Variants in ADGRB3 observed in about 807,000 individuals in gnomAD.
ADGRB3 encodes the protein adhesion G protein-coupled receptor B3.
A neutral mutation model predicts 193.4 loss-of-function variants in ADGRB3; 37 were observed. The ratio of observed to expected loss-of-function variants is 0.19; its 90% CI spans 0.15 to 0.25. ADGRB3 has a LOEUF of 0.25. Ranked by LOEUF, ADGRB3 falls within the 10% of genes least tolerant of loss-of-function variation. ADGRB3 has a pLI of 1.00. For missense variants in ADGRB3, 1,637 were observed against 1,852.9 expected (o/e 0.88, Z 2.14); for synonymous variants, 690 against 644.2 (o/e 1.07, Z -1.08).
intron 17 of ADGRB3, among the ~76,000 whole-genome samples, chr6:69,207,022 A>G (rs1487413107): frequency 2.0e-5 from 3 of 152,098 alleles, no homozygotes; most frequent in Non-Finnish European, 4.4e-5. Flanking sequence ...CCTGACCTCC[A>G]CTGTGGAGTA....
intron 16 of ADGRB3, among the ~76,000 whole-genome samples, chr6:69,063,617 C>T (rs868216247): frequency 4.0e-5 from 6 of 151,776 alleles, no homozygotes; most frequent in South Asian, 2.1e-4. Context: ...GAGTGGGTAG[C>T]GTGTAGAAAT....
At chr6:68,772,888 A>C (rs1219542198) in intron 3 of ADGRB3, among the ~76,000 whole-genome samples, 14 of 51,920 alleles carry the variant, frequency 2.7e-4, no homozygotes, top group South Asian at 6.3e-4. Context: ...CAAACAAAAA[A>C]AAAAAAATAT....
In ADGRB3 at chr6:69,004,828, G is replaced by A. The variant is rs556282642; in HGVS notation, c.1930-9210G>A. Reference sequence around the variant, plus strand: ...GTTGGGGGGTGCTGAGATATAGTGAGCCTATAACAAGGAATCTTGAAGGAC... The same window carrying A: ...GTTGGGGGGTGCTGAGATATAGTGAACCTATAACAAGGAATCTTGAAGGAC... On this transcript the variant is annotated intron_variant, in intron 11 of 31. Coordinates refer to ENST00000370598, the MANE Select transcript of ADGRB3 (RefSeq NM_001704.3). Among the ~76,000 whole-genome samples, 68 of 152,256 alleles carry A rather than the reference G, an allele frequency of 4.5e-4. No individual in the cohort carries two copies. The South Asian group carries it at 0.014, about 31-fold the overall frequency.
At chr6:68,962,111 T>C (rs1277643261) in intron 8 of ADGRB3, among the ~76,000 whole-genome samples, 2 of 152,208 alleles carry the variant, frequency 1.3e-5, no homozygotes, top group African/African-American at 2.4e-5. Context: ...TTCTTTAATA[T>C]TAAATGTTCT....
intron 8 of ADGRB3, among the ~76,000 whole-genome samples, chr6:68,960,862 C>T (rs562764257): frequency 6.6e-6 from 1 of 152,216 alleles, no homozygotes; most frequent in South Asian, 2.1e-4. Flanking sequence ...ATGAAGGTCT[C>T]AGGTGATGCT....
intron 3 of ADGRB3, among the ~76,000 whole-genome samples, chr6:68,863,961 G>A (rs1362474350): frequency 6.6e-6 from 1 of 152,138 alleles, no homozygotes; most frequent in Non-Finnish European, 1.5e-5. Context: ...TGCTATTGGA[G>A]TTGTGTCTTT....
intron 20 of ADGRB3, among the ~76,000 whole-genome samples, chr6:69,247,890 AT>A (rs527554884): frequency 7.3e-5 from 11 of 151,696 alleles, no homozygotes; most frequent in South Asian, 2.1e-4. Context: ...ATGGAGGTCA[AT>A]TTTTTTTTAT....
intron 5 of ADGRB3, among the ~76,000 whole-genome samples, chr6:68,939,057 A>ACCTAT: frequency 1.3e-5 from 2 of 152,272 alleles, no homozygotes; most frequent in African/African-American, 4.8e-5. Flanking sequence ...GACATATGAA[A>ACCTAT]GTTGCCTTCC....
intron 13 of ADGRB3, among the ~76,000 whole-genome samples, chr6:69,030,721 C>G (rs925524864): frequency 6.6e-6 from 1 of 152,144 alleles, no homozygotes; most frequent in Non-Finnish European, 1.5e-5. Context: ...ACCTATGTAA[C>G]AAACCTGCAC....
intron 3 of ADGRB3, among the ~76,000 whole-genome samples, chr6:68,871,380 A>G (rs921720386): frequency 2.0e-5 from 3 of 152,172 alleles, no homozygotes; most frequent in Non-Finnish European, 4.4e-5. Context: ...CCCTTTCAAA[A>G]TATTATTTAA....
At chr6:69,383,154 G>C (rs779378389) in intron 31 of ADGRB3, among the ~76,000 whole-genome samples, 8 of 151,914 alleles carry the variant, frequency 5.3e-5, no homozygotes, top group Non-Finnish European at 1.2e-4. Flanking sequence ...TCATTTATAA[G>C]CTTTCATTAG....
chr6:69,137,898 T>C (rs1010005748), intron 17 of ADGRB3, among the ~76,000 whole-genome samples: 1 of 152,216 alleles, frequency 6.6e-6, no homozygotes, highest in Admixed American at 6.5e-5. Flanking sequence ...AGGTGAAATG[T>C]TTGGCAGAAT....
At chr6:68,819,350 CAT>C (rs1362603539) in intron 3 of ADGRB3, among the ~76,000 whole-genome samples, 2 of 151,902 alleles carry the variant, frequency 1.3e-5, no homozygotes, top group African/African-American at 4.8e-5. Flanking sequence ...ACCTTTCCAC[CAT>C]ACACATGTTC....
chr6:68,948,058 A>G (rs2150253061), intron 6 of ADGRB3, among the ~76,000 whole-genome samples: 3 of 152,244 alleles, frequency 2.0e-5, no homozygotes, highest in Admixed American at 2.0e-4. Context: ...TGCTGTTCGG[A>G]AGGTGTGACA....
chr6:68,704,280 T>G (rs1036776909), intron 3 of ADGRB3, among the ~76,000 whole-genome samples: 1 of 152,178 alleles, frequency 6.6e-6, no homozygotes, highest in East Asian at 1.9e-4. Context: ...ACAGTTTTGC[T>G]CTGCTTTTAG....
intron 17 of ADGRB3, among the ~76,000 whole-genome samples, chr6:69,152,537 C>T (rs2150341755): frequency 6.6e-6 from 1 of 152,300 alleles, no homozygotes; most frequent in East Asian, 1.9e-4. Flanking sequence ...CTGTTAGTGA[C>T]TTGCCCCTCA....
intron 3 of ADGRB3, among the ~76,000 whole-genome samples, chr6:68,928,690 T>G (rs996192223): frequency 1.3e-5 from 2 of 152,164 alleles, no homozygotes; most frequent in Non-Finnish European, 2.9e-5. Context: ...CATAATTAAT[T>G]TGTAGGCATG....
chr6:69,176,381 C>T (rs1775428528), intron 17 of ADGRB3, among the ~76,000 whole-genome samples: 1 of 152,132 alleles, frequency 6.6e-6, no homozygotes, highest in Admixed American at 6.5e-5. Flanking sequence ...TTTCCCATGT[C>T]TATTGAGATG....
At chr6:68,908,989 G>C (rs971857122) in intron 3 of ADGRB3, among the ~76,000 whole-genome samples, 2 of 152,070 alleles carry the variant, frequency 1.3e-5, no homozygotes, top group Admixed American at 1.3e-4. Context: ...TCTTCTTTTG[G>C]ATGAAATCCT....
Sources: allele counts gnomAD v4.1 joint callset (sites outside exome capture counted in the v4.1 genomes callset), GRCh38; gene constraint gnomAD v4.1.1; transcripts MANE v1.5; gene names NCBI Gene and HGNC (gene_info 2026-07-23, HGNC 2026-07-21).